Variants in CCDC136 observed in about 807,000 individuals in gnomAD.
CCDC136 encodes coiled-coil domain containing 136.
CCDC136 carries 100 observed loss-of-function variants against 141.2 expected under a neutral mutation model. That is an observed-to-expected ratio of 0.71 (90% CI 0.60 to 0.84). The LOEUF is 0.84. CCDC136 is among the 40% of genes least tolerant of loss of function. The pLI, the probability that CCDC136 is intolerant of heterozygous loss-of-function variation, is 0.00. For missense variants in CCDC136, 1,206 were observed against 1,379.4 expected (o/e 0.87, Z 1.99); for synonymous variants, 474 against 531.9 (o/e 0.89, Z 1.50).
intron 3 of CCDC136, among the ~76,000 whole-genome samples, chr7:128,800,080 A>G (rs1295758886): frequency 7.9e-5 from 12 of 152,194 alleles, no homozygotes; most frequent in Non-Finnish European, 1.5e-4. Flanking sequence ...TTGGGCATAG[A>G]TCTTTCCAGG....
rs1362693159 is a variant in CCDC136, at chr7:128,801,647, G to T, written c.670+138G>T. On this transcript the variant is annotated intron_variant, in intron 4 of 17. Transcript: ENST00000297788. ...CTCCAGGTTGAATTCAAGACTGTAG[G>T]GGTCCAGGCGTGATGGCTCATGCCT... 20 of 649,708 alleles carry T rather than the reference G, an allele frequency of 3.1e-5. No individual in the cohort carries two copies. The South Asian group carries it at 4.5e-4, about 15-fold the overall frequency. 40.2% of individuals were successfully genotyped at this position (649,708 alleles called of 1,614,324 possible).
chr7:128,794,380 G>A lies in CCDC136; in HGVS notation c.49G>A (p.Glu17Lys). 3 of 1,549,436 alleles carry A rather than the reference G, an allele frequency of 1.9e-6. No homozygotes were observed. The highest frequency in any genetic ancestry group is 1.2e-5 in the South Asian group (1 of 83,912). ...EVLLPALYEE[E>K]EEEEEEEEEV... is the part of the protein sequence containing the mutation. ...GTTACTCCCAGCTCTCTATGAGGAG[G>A]AAGAGGAAGAGGAAGAGGAGGAAGA... The change falls in exon 2 of 18, where the codon GAA (glutamate) becomes AAA (lysine). Residue 17 changes from glutamate to lysine, a missense_variant. By Grantham distance (56) the Glu-to-Lys change is moderately conservative. Transcript: ENST00000297788. This position sits in a 1 kb window ranked among gnomAD's most constrained non-coding sequence, Gnocchi z 4.3.
intron 17 of CCDC136, among the ~76,000 whole-genome samples, chr7:128,820,110 C>T (rs1562982211): frequency 6.6e-6 from 1 of 152,088 alleles, no homozygotes; most frequent in Admixed American, 6.5e-5. Context: ...CTTCCTCTGC[C>T]ACCTTCACAT....
chr7:128,808,738 C>T (rs1805245943), intron 10 of CCDC136: 1 of 985,294 alleles, frequency 1.0e-6, no homozygotes, highest in Non-Finnish European at 1.2e-6. Flanking sequence ...CCTCCTTTTT[C>T]CACTGCTACT....
Position 128,805,481 on chromosome 7 carries a change from A to G in CCDC136, c.905A>G (p.Gln302Arg). 6.2e-7 allele frequency: 1 copy of G among 1,613,804 alleles called. No homozygotes were observed. Among genetic ancestry groups the G allele is most frequent in the African/African-American group, 1.3e-5 (1 of 75,062 alleles). The stretch of plus-strand genomic sequence containing the variant: ...CCTGAAATGCAGTTGTTACGGCAGC[A>G]GCTACGGGATGCTGAAGAGCAGATG... ...PDPEMQLLRQ[Q>R]LRDAEEQMHG... Residue 302 changes from glutamine to arginine, a missense_variant, in exon 6 of 18, where the codon CAG becomes CGG. Gln to Arg is a conservative substitution (Grantham distance 43). Transcript: ENST00000297788. This position sits in a 1 kb window ranked among gnomAD's most constrained non-coding sequence, Gnocchi z 4.6.
At chr7:128,790,785 G>C (rs1802091351), upstream of CCDC136, 1 of 152,228 alleles carries the variant, frequency 6.6e-6, no homozygotes, top group East Asian at 1.9e-4. This position sits in a 1 kb window ranked among gnomAD's most constrained non-coding sequence, Gnocchi z 5.4. Flanking sequence ...AGGCTTGATG[G>C]GGCCACCGGA....
chr7:128,807,533 G>A lies in CCDC136; in HGVS notation c.1593G>A (p.Lys531=). 1 of 1,463,244 alleles carries A rather than the reference G, an allele frequency of 6.8e-7. No homozygotes were observed. The allele number at this position is 1,463,244 out of a possible 1,614,324, so 90.6% of individuals were successfully genotyped here. A position where few individuals can be genotyped will look rare whatever the true frequency, so the allele number is the denominator to read the frequency against. Residue 531 remains lysine (K), a synonymous_variant, in exon 10 of 18, where the codon AAG becomes AAA. Coordinates refer to ENST00000297788, the MANE Select transcript of CCDC136 (RefSeq NM_022742.5). ...ACCCCATTCCGGAGGACAAAGGAAAGTGTGCTAATAAGGTAATTGTCGTTC... is the reference window on the plus strand; with the variant it reads ...ACCCCATTCCGGAGGACAAAGGAAAATGTGCTAATAAGGTAATTGTCGTTC... ...ASHPIPEDKG[K]CANKCDTLLS...
chr7:128,804,878 C>T, intron 5 of CCDC136, 117 bp downstream of exon 5: 1 of 637,968 alleles, frequency 1.6e-6, no homozygotes. Context: ...CCTGGAGACC[C>T]AGTCCTTTCC....
At chr7:128,797,813 C>CA (rs1459733540) in intron 3 of CCDC136, among the ~76,000 whole-genome samples, 1 of 150,454 alleles carries the variant, frequency 6.6e-6, no homozygotes, top group African/African-American at 2.4e-5. Context: ...AGATCCAGTA[C>CA]AAAAAAAGGC....
At chr7:128,812,460 C>A in intron 13 of CCDC136, 148 bp downstream of exon 13, 2 of 915,324 alleles carry the variant, frequency 2.2e-6, no homozygotes, top group Non-Finnish European at 3.2e-6. Context: ...GCCCTCTACC[C>A]ATGGCAGCCT....
rs569995617 is a variant in CCDC136 at position 128,802,430 on chromosome 7, G to A, written c.670+921G>A. 7.7e-4 allele frequency among the ~76,000 whole-genome samples: 117 copies of A among 152,226 alleles called. 1 individual carries two copies. Among genetic ancestry groups the A allele is most frequent in the Middle Eastern group, 6.8e-3 (2 of 294 alleles). ...GATTAAATGGTGCTGGGAGAAGAAG[G>A]TTGGCACAGTGGGAAGGCTTGGGCT... On this transcript the variant is annotated intron_variant, in intron 4 of 17. Coordinates refer to ENST00000297788, the MANE Select transcript of CCDC136 (RefSeq NM_022742.5).
rs759911854 is a variant in CCDC136 at position 128,807,545 on chromosome 7, G to C, written c.1605G>C (p.Lys535Asn). 5.0e-6 allele frequency: 7 copies of C among 1,407,592 alleles called. No individual in the cohort carries two copies. Among genetic ancestry groups the C allele is most frequent in the Non-Finnish European group, 6.6e-6 (7 of 1,066,518 alleles). The allele number at this position is 1,407,592 out of a possible 1,614,324, so 87.2% of individuals were successfully genotyped here. A position where few individuals can be genotyped will look rare whatever the true frequency, so the allele number is the denominator to read the frequency against. The change falls in exon 10 of 18, where the codon AAG (lysine) becomes AAC (asparagine). Residue 535 changes from lysine to asparagine, a missense_variant and splice_region_variant. Coordinates refer to ENST00000297788, the MANE Select transcript of CCDC136 (RefSeq NM_022742.5). Reference protein sequence around the residue: ...IPEDKGKCANKCDTLLSRLTE... With the variant: ...IPEDKGKCANNCDTLLSRLTE... ...AGGACAAAGGAAAGTGTGCTAATAA[G>C]GTAATTGTCGTTCAGAGAGGTGACA...
At chr7:128,810,071 C>G (rs1585102599) in intron 11 of CCDC136, 68 bp from the exon 12 acceptor site, 1 of 937,624 alleles carries the variant, frequency 1.1e-6, no homozygotes, top group East Asian at 2.6e-5. Flanking sequence ...GATGAGGCAC[C>G]AAGGAGGCAT....
At position 128,804,735 on chromosome 7, in the gene CCDC136, G is replaced by A. The variant is rs761760147; in HGVS notation, c.756G>A (p.Gly252=). ...AGGAGAGCAACAGCAGCCTCACGGGGCAGCTTGCAGATCTGGAGAGTGAGA... is the reference window on the plus strand; with the variant it reads ...AGGAGAGCAACAGCAGCCTCACGGGACAGCTTGCAGATCTGGAGAGTGAGA... ...ALQESNSSLT[G]QLADLESERT... is the part of the protein sequence containing the mutation. Residue 252 remains glycine, a synonymous_variant, in exon 5 of 18, where the codon GGG becomes GGA. Transcript: ENST00000297788. 1.3e-6 allele frequency: 2 copies of A among 1,599,064 alleles called. No individual in the cohort carries two copies. The highest frequency in any genetic ancestry group is 4.5e-5 in the East Asian group (2 of 44,328).
intron 12 of CCDC136, among the ~76,000 whole-genome samples, chr7:128,810,676 G>A (rs1014103843): frequency 2.0e-5 from 3 of 152,218 alleles, no homozygotes; most frequent in African/African-American, 4.8e-5. Context: ...CAGATCATTC[G>A]ACTCATTCCC....
At chr7:128,809,786 C>T (rs1805439101) in intron 11 of CCDC136, 142 bp downstream of exon 11, 1 of 638,540 alleles carries the variant, frequency 1.6e-6, no homozygotes, top group Non-Finnish European at 2.7e-6. Flanking sequence ...TCTCCCCAAA[C>T]CAAAAAGCTC....
upstream of CCDC136, chr7:128,791,424 C>G: frequency 8.6e-7 from 1 of 1,169,082 alleles, no homozygotes; most frequent in Non-Finnish European, 1.1e-6. This position sits in a 1 kb window ranked among gnomAD's most constrained non-coding sequence, Gnocchi z 7.1. Flanking sequence ...CCTGCGCACC[C>G]GGCTCGGGTC....
intron 14 of CCDC136, among the ~76,000 whole-genome samples, chr7:128,813,279 G>A (rs1806065287): frequency 6.6e-6 from 1 of 152,170 alleles, no homozygotes; most frequent in Non-Finnish European, 1.5e-5. Flanking sequence ...CCAACTAGGA[G>A]CACCAACTAG....
intron 3 of CCDC136, among the ~76,000 whole-genome samples, chr7:128,796,742 CT>C (rs1218339624): frequency 0.012 from 1,323 of 108,876 alleles, 37 homozygotes; most frequent in South Asian, 0.019. Flanking sequence ...TATATATATT[CT>C]TTTTTTTTTT....
Sources: gnomAD v4.1 joint callset for allele counts (sites outside exome capture counted in the v4.1 genomes callset) on GRCh38, gnomAD v4.1.1 for gene constraint, Gnocchi (gnomAD v3.1) non-coding constraint, MANE v1.5 for transcripts, NCBI Gene and HGNC (gene_info 2026-07-23, HGNC 2026-07-21) for gene names.